The following AKNA variants were observed in gnomAD, a reference collection of about 807,000 sequenced individuals.
AKNA encodes the protein microtubule organization protein AKNA.
In AKNA, 67 loss-of-function variants were observed where a neutral mutation model predicts 138.8. That is an observed-to-expected ratio of 0.48 (90% CI 0.40 to 0.59). AKNA has a LOEUF of 0.59. Among genes scored for constraint, AKNA ranks in the 20% least tolerant of loss-of-function variants. The pLI, the probability that AKNA is intolerant of heterozygous loss-of-function variation, is 0.00. For synonymous variants in AKNA, 737 were observed against 754.4 expected, an observed-to-expected ratio of 0.98 and a Z score of 0.38; for missense variants, 1,813 against 1,880.4, an observed-to-expected ratio of 0.96 and a Z score of 0.66.
At chr9:114,340,775 C>T (rs1388687518) in intron 21 of AKNA, among the ~76,000 whole-genome samples, 1 of 152,154 alleles carries the variant, frequency 6.6e-6, no homozygotes, top group Admixed American at 6.5e-5. Context: ...ACTGATGTTA[C>T]GTCCAGAATC....
At chr9:114,395,973 C>T (rs550149848), upstream of AKNA, among the ~76,000 whole-genome samples, 5 of 152,246 alleles carry the variant, frequency 3.3e-5, no homozygotes, top group South Asian at 2.1e-4. Context: ...GTGTGACTCT[C>T]GTCAAGTGGC....
intron 19 of AKNA, 69 bp from the exon 20 acceptor site, chr9:114,342,194 G>A: frequency 2.5e-6 from 3 of 1,198,914 alleles, no homozygotes; most frequent in Non-Finnish European, 3.5e-6. Flanking sequence ...CCCCCATGCA[G>A]GCCTTCTGCA....
rs1833273381 is a variant in AKNA at position 114,376,974 on chromosome 9, T to C, written c.833A>G (p.Asp278Gly). The change falls in exon 3 of 22, where the codon GAT becomes GGT. Residue 278 changes from aspartate (D) to glycine (G), a missense_variant. Physicochemically the swap from Asp to Gly is moderately conservative, Grantham distance 94 (BLOSUM62 -1). Transcript: ENST00000374088. ...PPAQSPQHATDRWRRETTRFF... is the reference protein window; with the variant it reads ...PPAQSPQHATGRWRRETTRFF... ...TCTGGTCGTTTCTCTCCTCCATCTA[T>C]CTGTGGCATGCTGCGGACTCTGGGC... is the stretch of plus-strand genomic sequence containing the variant. The C allele has an allele frequency of 2.5e-6, 4 of 1,614,194 alleles. No individual in the cohort carries two copies. The highest frequency in any genetic ancestry group is 1.6e-4 in the Middle Eastern group (1 of 6,062).
At chr9:114,353,325 C>T (rs372906573) in intron 14 of AKNA, among the ~76,000 whole-genome samples, 6 of 151,390 alleles carry the variant, frequency 4.0e-5, no homozygotes, top group African/African-American at 7.3e-5. Context: ...AGTGAAGTGG[C>T]GCAATCTCAG....
intron 3 of AKNA, among the ~76,000 whole-genome samples, chr9:114,375,765 G>A (rs1034839924): frequency 1.3e-5 from 2 of 152,210 alleles, no homozygotes; most frequent in Non-Finnish European, 2.9e-5. Flanking sequence ...TGTATTCTAC[G>A]ATCTTCTCTC....
At chr9:114,343,593 T>C (rs1037363924) in intron 19 of AKNA, 115 bp downstream of exon 19, 9 of 1,078,432 alleles carry the variant, frequency 8.3e-6, no homozygotes, top group Non-Finnish European at 1.3e-5. Flanking sequence ...GGTCTGTCCC[T>C]ATAACCCACT....
Position 114,359,638 on chromosome 9 carries a change from C to T in AKNA, c.2448G>A (p.Arg816=), listed in dbSNP as rs1173524402. 4 of 1,612,204 alleles carry T rather than the reference C, an allele frequency of 2.5e-6. No homozygotes were observed. Among genetic ancestry groups the T allele is most frequent in the Non-Finnish European group, 3.4e-6 (4 of 1,179,956 alleles). The part of the protein sequence containing the change: ...GKAEATRVLP[R]QCPVQAEKSH... ...TTTTCTCAGCCTGCACCGGGCACTG[C>T]CTTGGGAGGACCCTGGTGGCCTCTG... The change falls in exon 11 of 22, where the codon AGG becomes AGA. Residue 816 remains arginine (R), a synonymous_variant. Transcript: ENST00000374088.
intron 16 of AKNA, 150 bp from the exon 17 acceptor site, chr9:114,346,934 C>T (rs1830730679): frequency 1.6e-6 from 1 of 639,546 alleles, no homozygotes; most frequent in African/African-American, 1.9e-5. Context: ...AAGTCAGTTT[C>T]ACAGAAAATG....
intron 2 of AKNA, among the ~76,000 whole-genome samples, chr9:114,379,578 T>G: frequency 6.6e-6 from 1 of 152,190 alleles, no homozygotes; most frequent in Non-Finnish European, 1.5e-5. Context: ...CAGAGGAGGC[T>G]TCTCTACCAA....
downstream of AKNA, chr9:114,330,837 G>C (rs1170071613): frequency 6.2e-7 from 1 of 1,613,990 alleles, no homozygotes; most frequent in East Asian, 2.2e-5. Flanking sequence ...ATGTCCAGCG[G>C]GAGAATGGGA....
chr9:114,355,379 G>T (rs570782926), intron 14 of AKNA, among the ~76,000 whole-genome samples: 2 of 151,770 alleles, frequency 1.3e-5, no homozygotes, highest in Non-Finnish European at 2.9e-5. Flanking sequence ...GTTTCACCAC[G>T]TTGGCCAGGC....
chr9:114,390,517 C>A (rs1834291769), upstream of AKNA, among the ~76,000 whole-genome samples: 1 of 152,232 alleles, frequency 6.6e-6, no homozygotes, highest in African/African-American at 2.4e-5. Flanking sequence ...CCCGTTTCTG[C>A]ATCCCCACGT....
In AKNA at chr9:114,337,021, A is replaced by G; in HGVS notation, c.*33T>C. ...GGCCTGGCAGGCCACCTGCCCACCC[A>G]CCCACCCATCTGCCTCTGGGCCCCC... On this transcript the variant is annotated 3_prime_UTR_variant, in exon 22 of 22. Transcript: ENST00000374088. 8.1e-6 allele frequency: 1 copy of G among 123,646 alleles called. No homozygotes were observed. Among genetic ancestry groups the G allele is most frequent in the Non-Finnish European group, 1.6e-5 (1 of 62,628 alleles). The allele number at this position is 123,646 out of a possible 1,614,324, so 7.7% of individuals were successfully genotyped here. A position where few individuals can be genotyped will look rare whatever the true frequency, so the allele number is the denominator to read the frequency against.
In AKNA at chr9:114,359,829, C is replaced by T. The variant is rs781519061; in HGVS notation, c.2292-35G>A. ...AACACACAGAGGGGCATGACCTCTG[C>T]CCAGTGGGGGACAGCCAAGATCCAG... On this transcript the variant is annotated intron_variant, in intron 10 of 21. Coordinates refer to ENST00000374088, the MANE Select transcript of AKNA (RefSeq NM_001317950.2). 6 of 1,611,652 alleles carry T rather than the reference C, an allele frequency of 3.7e-6. No homozygotes were observed. In the Admixed American group the frequency reaches 6.7e-5, roughly 18 times the overall value.
In AKNA at chr9:114,377,135, A is replaced by G. The variant is rs1471314760; in HGVS notation, c.672T>C (p.Asp224=). ...CTGCCAGGGCAGTGGGCTGGGGGCC[A>G]TCGGTCTCTCCTTCCCAGGTAGAAT... The part of the protein sequence containing the change: ...SLDSTWEGET[D]GPQPTALAET... The change falls in exon 3 of 22, where the codon GAT becomes GAC. Residue 224 remains aspartate, a synonymous_variant. Coordinates refer to ENST00000374088, the MANE Select transcript of AKNA (RefSeq NM_001317950.2). The G allele has an allele frequency of 1.2e-6, 2 of 1,614,168 alleles. No individual in the cohort carries two copies. Among genetic ancestry groups the G allele is most frequent in the Admixed American group, 1.7e-5 (1 of 60,012 alleles).
chr9:114,376,334 C>G (rs754488981), intron 3 of AKNA, 132 bp downstream of exon 3: 2 of 900,154 alleles, frequency 2.2e-6, no homozygotes, highest in African/African-American at 3.5e-5. Flanking sequence ...GGGCTTCCCA[C>G]CCCAGCCAGG....
At chr9:114,355,292 C>T (rs2131877894) in intron 14 of AKNA, among the ~76,000 whole-genome samples, 3 of 152,226 alleles carry the variant, frequency 2.0e-5, no homozygotes, top group Admixed American at 2.0e-4. Context: ...TCTCCTGCCT[C>T]AGCCTCCCAA....
intron 3 of AKNA, 32 bp downstream of exon 3, chr9:114,376,434 G>A (rs773099274): frequency 1.9e-6 from 3 of 1,611,810 alleles, no homozygotes; most frequent in South Asian, 1.1e-5. Context: ...AGGGGCCTTG[G>A]TGACACATCC....
Position 114,336,322 on chromosome 9 carries a change from C to T in AKNA, c.*732G>A, listed in dbSNP as rs1048790044. 16 of 152,694 alleles carry T rather than the reference C, an allele frequency of 1.0e-4. No homozygotes were observed. Among genetic ancestry groups the T allele is most frequent in the Non-Finnish European group, 1.3e-4 (9 of 68,100 alleles). 9.5% of individuals were successfully genotyped at this position (152,694 alleles called of 1,614,324 possible). On this transcript the variant is annotated 3_prime_UTR_variant, in exon 22 of 22. Transcript: ENST00000374088. ...GGGAGGCGGCCTGGCCTCATGGCCG[C>T]AGACCGTGCCCCAGCCCGGGCCTGG...
Sources: gnomAD v4.1 joint callset for allele counts (sites outside exome capture counted in the v4.1 genomes callset) on GRCh38, gnomAD v4.1.1 for gene constraint, MANE v1.5 for transcripts, NCBI Gene and HGNC (gene_info 2026-07-23, HGNC 2026-07-21) for gene names.